FAT3: variants seen among roughly 807,000 people sequenced by gnomAD.
The protein encoded by FAT3 is protocadherin Fat 3.
A neutral mutation model predicts 310.2 loss-of-function variants in FAT3; 95 were observed. The ratio of observed to expected loss-of-function variants is 0.31; its 90% CI spans 0.26 to 0.36. FAT3 has a LOEUF of 0.36. FAT3 is among the 10% of genes least tolerant of loss of function. FAT3 has a pLI of 1.00. For missense variants in FAT3, 5,408 were observed against 5,715.6 expected (o/e 0.95, Z 1.74); for synonymous variants, 2,314 against 2,192.9 (o/e 1.06, Z -1.54).
chr11:92,792,922 G>A lies in FAT3; in HGVS notation c.4767G>A (p.Thr1589=), dbSNP rs377183395. ...AALGSAVLQV[T]ALDKDKGENA... ...TGGGATCAGCTGTTCTGCAAGTGACGGCTCTGGACAAAGACAAAGGAGAAA... is the reference window on the plus strand; with the variant it reads ...TGGGATCAGCTGTTCTGCAAGTGACAGCTCTGGACAAAGACAAAGGAGAAA... Residue 1589 remains threonine (T), a synonymous_variant, in exon 9 of 28, where the codon ACG becomes ACA. Coordinates refer to ENST00000525166, the MANE Select transcript of FAT3 (RefSeq NM_001367949.2). The A allele has an allele frequency of 1.2e-3, 1,910 of 1,613,722 alleles. No individual in the cohort carries two copies. Among genetic ancestry groups the A allele is most frequent in the Non-Finnish European group, 1.5e-3 (1,713 of 1,179,770 alleles).
chr11:92,327,283 G>T (rs146546415), intron 1 of FAT3, among the ~76,000 whole-genome samples: 146 of 151,856 alleles, frequency 9.6e-4, no homozygotes, highest in Admixed American at 8.7e-3. Flanking sequence ...TGGAATCAGA[G>T]AATTCAAGTT....
chr11:92,796,589 A>G (rs933679162), intron 9 of FAT3, among the ~76,000 whole-genome samples: 1 of 152,212 alleles, frequency 6.6e-6, no homozygotes, highest in Non-Finnish European at 1.5e-5. Flanking sequence ...CAATACTCAG[A>G]AAGAAAAGTC....
Position 92,799,998 on chromosome 11 carries a change from G to T in FAT3, c.6985G>T (p.Asp2329Tyr). ...AATGGTACATTATCAGATTGTCCAG[G>T]ATACCTACAATAGCACAGATTATTT... ...NKMVHYQIVQDTYNSTDYFHI... is the reference protein window; with the variant it reads ...NKMVHYQIVQYTYNSTDYFHI... The change falls in exon 10 of 28, where the codon GAT (aspartate) becomes TAT (tyrosine). Residue 2329 changes from aspartate (D) to tyrosine (Y), a missense_variant. Around this residue, in one of 5 missense-constraint regions of FAT3, gnomAD observed 4,588 missense variants for 4,809.8 expected, o/e 0.95. Transcript: ENST00000525166. 2 of 1,613,802 alleles carry T rather than the reference G, an allele frequency of 1.2e-6. No individual in the cohort carries two copies. The highest frequency in any genetic ancestry group is 2.2e-5 in the South Asian group (2 of 91,050).
chr11:92,720,165 G>A (rs1944820585), intron 4 of FAT3, among the ~76,000 whole-genome samples: 1 of 151,950 alleles, frequency 6.6e-6, no homozygotes, highest in Non-Finnish European at 1.5e-5. Flanking sequence ...TTTTAAAGTA[G>A]AGTAAGAGGT....
In FAT3 at chr11:92,707,758, A is replaced by G. The variant is rs142227577; in HGVS notation, c.3669+10313A>G. 7.9e-4 allele frequency among the ~76,000 whole-genome samples: 121 copies of G among 152,312 alleles called. 1 individual carries two copies. The highest frequency in any genetic ancestry group is 2.8e-3 in the African/African-American group (118 of 41,568). On this transcript the variant is annotated intron_variant, in intron 4 of 27. Coordinates refer to ENST00000525166, the MANE Select transcript of FAT3 (RefSeq NM_001367949.2). ...TGACACACACTCTCTGAGCTACAGA[A>G]TGATCTGTCCAGTCTAATTTTATCG...
At chr11:92,750,279 G>A (rs1310447919) in intron 4 of FAT3, among the ~76,000 whole-genome samples, 3 of 152,130 alleles carry the variant, frequency 2.0e-5, no homozygotes, top group Non-Finnish European at 2.9e-5. Context: ...AAAATAGCTC[G>A]CAGCAATCAG....
intron 18 of FAT3, among the ~76,000 whole-genome samples, chr11:92,843,027 G>A (rs1948589615): frequency 6.7e-6 from 1 of 149,876 alleles, no homozygotes; most frequent in Non-Finnish European, 1.5e-5. Flanking sequence ...TGAAGTTGAT[G>A]CTGCTATTTT....
chr11:92,866,887 C>T lies in FAT3; in HGVS notation c.11805C>T (p.Asp3935=). 1 of 1,614,016 alleles carries T rather than the reference C, an allele frequency of 6.2e-7. No homozygotes were observed. Among genetic ancestry groups the T allele is most frequent in the South Asian group, 1.1e-5 (1 of 91,084 alleles). ...NRNFTSLSLD[D]SYVERRRAPL... Reference sequence around the variant, plus strand: ...ATTTCACGAGCCTGTCCCTGGATGACAGCTACGTGGAGCGGCGCCGGGCGC... The same window carrying T: ...ATTTCACGAGCCTGTCCCTGGATGATAGCTACGTGGAGCGGCGCCGGGCGC... The change falls in exon 22 of 28, where the codon GAC becomes GAT. Residue 3935 remains aspartate, a synonymous_variant. Transcript: ENST00000525166.
intron 3 of FAT3, among the ~76,000 whole-genome samples, chr11:92,561,123 G>A (rs1288588967): frequency 6.6e-6 from 1 of 152,150 alleles, no homozygotes; most frequent in East Asian, 1.9e-4. Flanking sequence ...CCTGTCTGAG[G>A]CACTTGCAAG....
At chr11:92,282,860 A>AT (rs900314336) in intron 1 of FAT3, among the ~76,000 whole-genome samples, 4 of 151,856 alleles carry the variant, frequency 2.6e-5, no homozygotes, top group African/African-American at 9.7e-5. Flanking sequence ...TGATTTATGC[A>AT]TTTTTTTCAC....
At chr11:92,350,796 A>C (rs1406065635) in intron 1 of FAT3, among the ~76,000 whole-genome samples, 1 of 152,176 alleles carries the variant, frequency 6.6e-6, no homozygotes, top group African/African-American at 2.4e-5. Context: ...CAGTGCCTAC[A>C]TCATTACATG....
At chr11:92,397,906 A>G (rs1949913334) in intron 2 of FAT3, among the ~76,000 whole-genome samples, 3 of 152,146 alleles carry the variant, frequency 2.0e-5, no homozygotes. Context: ...ATTATGACCC[A>G]TAATACACAC....
intron 1 of FAT3, among the ~76,000 whole-genome samples, chr11:92,285,179 A>G (rs1946529144): frequency 6.6e-6 from 1 of 152,156 alleles, no homozygotes; most frequent in South Asian, 2.1e-4. Context: ...GATGTCTTCC[A>G]TTTTTAATAG....
intron 2 of FAT3, among the ~76,000 whole-genome samples, chr11:92,497,564 G>A (rs1221763917): frequency 6.6e-6 from 1 of 151,978 alleles, no homozygotes; most frequent in Non-Finnish European, 1.5e-5. Flanking sequence ...TAGTTGGCTG[G>A]AGGTCACACA....
rs543727641 is a variant in FAT3 at position 92,313,421 on chromosome 11, T to C, written c.-17-38675T>C. On this transcript the variant is annotated intron_variant, in intron 1 of 27. Coordinates refer to ENST00000525166, the MANE Select transcript of FAT3 (RefSeq NM_001367949.2). ...TTTTAATGTGATAATATGCCATGTTTATTGTTGTATTTGTATATTTCTCAA... is the reference window on the plus strand; with the variant it reads ...TTTTAATGTGATAATATGCCATGTTCATTGTTGTATTTGTATATTTCTCAA... Among the ~76,000 whole-genome samples the C allele has an allele frequency of 9.2e-5, 14 of 152,354 alleles. No individual in the cohort carries two copies. In the South Asian group the frequency reaches 2.5e-3, roughly 27 times the overall value.
chr11:92,346,972 A>G (rs905751556), intron 1 of FAT3, among the ~76,000 whole-genome samples: 2 of 152,184 alleles, frequency 1.3e-5, no homozygotes, highest in African/African-American at 4.8e-5. Context: ...TATTAATGAT[A>G]ATAGCTAACA....
intron 1 of FAT3, among the ~76,000 whole-genome samples, 121 bp downstream of exon 1, chr11:92,225,295 G>A (rs1339884243): frequency 1.3e-5 from 2 of 152,186 alleles, no homozygotes; most frequent in Non-Finnish European, 2.9e-5. Context: ...GGGGAGGCGA[G>A]AGCCGACGAA....
intron 4 of FAT3, among the ~76,000 whole-genome samples, chr11:92,722,400 C>A (rs1944886979): frequency 6.6e-6 from 1 of 152,196 alleles, no homozygotes; most frequent in East Asian, 1.9e-4. Flanking sequence ...TGGCCCTGGG[C>A]AGCTCTGCCT....
At chr11:92,753,631 C>T (rs528602845) in intron 4 of FAT3, among the ~76,000 whole-genome samples, 5 of 152,020 alleles carry the variant, frequency 3.3e-5, no homozygotes, top group African/African-American at 1.2e-4. Context: ...TAAATTAGGA[C>T]AGCCATAATG....
Sources: allele counts gnomAD v4.1 joint callset (sites outside exome capture counted in the v4.1 genomes callset), GRCh38; gene constraint gnomAD v4.1.1; regional missense constraint gnomAD v4.1.1; transcripts MANE v1.5; gene names NCBI Gene and HGNC (gene_info 2026-07-23, HGNC 2026-07-21).